Variants in CSMD1 observed in about 807,000 individuals in gnomAD.
CSMD1 encodes CUB and sushi domain-containing protein 1.
A neutral mutation model predicts 417.5 loss-of-function variants in CSMD1; 213 were observed. That is an observed-to-expected ratio of 0.51 (90% CI 0.46 to 0.57). CSMD1 has a LOEUF of 0.57. Among genes scored for constraint, CSMD1 ranks in the 20% least tolerant of loss-of-function variants. The pLI, the probability that CSMD1 is intolerant of heterozygous loss-of-function variation, is 0.00. For synonymous variants in CSMD1, 2,862 were observed against 1,736.8 expected (o/e 1.65, Z -16.11); for missense variants, 6,923 against 4,529.7 (o/e 1.53, Z -15.17).
intron 5 of CSMD1, among the ~76,000 whole-genome samples, chr8:3,943,711 C>G (rs1175054513): frequency 6.6e-6 from 1 of 152,040 alleles, no homozygotes; most frequent in Admixed American, 6.6e-5. Context: ...CAATTCTGGA[C>G]ATTTCTGCCA....
intron 3 of CSMD1, among the ~76,000 whole-genome samples, chr8:4,081,347 C>T (rs114184094): frequency 1.3e-5 from 2 of 152,116 alleles, no homozygotes; most frequent in Non-Finnish European, 2.9e-5. Flanking sequence ...GGTTAAACAA[C>T]AGGGTATTGT....
chr8:3,205,872 TA>T (rs1797223384), intron 30 of CSMD1, among the ~76,000 whole-genome samples: 1 of 152,136 alleles, frequency 6.6e-6, no homozygotes, highest in Non-Finnish European at 1.5e-5. Flanking sequence ...ATTAAAATAA[TA>T]AGGGAAACAT....
At chr8:4,006,099 G>A (rs375869266) in intron 4 of CSMD1, among the ~76,000 whole-genome samples, 1 of 152,168 alleles carries the variant, frequency 6.6e-6, no homozygotes, top group South Asian at 2.1e-4. Context: ...GCAACAGAAA[G>A]CACCATGTCC....
intron 29 of CSMD1, 98 bp downstream of exon 29, chr8:3,219,157 G>A: frequency 2.1e-6 from 2 of 934,682 alleles, no homozygotes; most frequent in East Asian, 5.4e-5. Flanking sequence ...CAGCATTTAT[G>A]TATTAAACAG....
chr8:3,830,054 C>A (rs1563122928), intron 5 of CSMD1, among the ~76,000 whole-genome samples: 1 of 152,090 alleles, frequency 6.6e-6, no homozygotes, highest in Non-Finnish European at 1.5e-5. Context: ...ACTTTTTGGG[C>A]TGACTTTTGA....
At chr8:4,321,353 C>T (rs1374233884) in intron 3 of CSMD1, among the ~76,000 whole-genome samples, 2 of 152,184 alleles carry the variant, frequency 1.3e-5, no homozygotes, top group East Asian at 1.9e-4. Context: ...TCCTCTCCCG[C>T]GCTGGCAGTT....
intron 3 of CSMD1, among the ~76,000 whole-genome samples, chr8:4,187,067 T>C (rs1360846101): frequency 1.3e-5 from 2 of 152,180 alleles, no homozygotes; most frequent in Non-Finnish European, 2.9e-5. Flanking sequence ...TTTGCTCAAA[T>C]TGAAACAAAC....
chr8:3,627,685 T>G (rs956690491), intron 7 of CSMD1, among the ~76,000 whole-genome samples: 2 of 152,226 alleles, frequency 1.3e-5, no homozygotes, highest in Non-Finnish European at 2.9e-5. Flanking sequence ...TGTTTTATGG[T>G]AAGCACGTTT....
At chr8:4,536,592 C>A (rs144879274) in intron 2 of CSMD1, among the ~76,000 whole-genome samples, 5 of 152,100 alleles carry the variant, frequency 3.3e-5, no homozygotes, top group Admixed American at 2.6e-4. Flanking sequence ...GATATCCTGC[C>A]GTTTAGTGGC....
chr8:3,274,068 G>A (rs1375364865), intron 26 of CSMD1, among the ~76,000 whole-genome samples: 1 of 151,368 alleles, frequency 6.6e-6, no homozygotes, highest in African/African-American at 2.4e-5. Context: ...GGCATTTAGT[G>A]CTATAAATTT....
At chr8:4,314,236 C>T (rs6983013) in intron 3 of CSMD1, among the ~76,000 whole-genome samples, 40,205 of 151,646 alleles carry the variant, frequency 0.27, 6,074 homozygotes, top group African/African-American at 0.42. Context: ...AGTCACAACA[C>T]AATGCCACAT....
chr8:3,406,358 TC>T, intron 14 of CSMD1, 137 bp from the exon 15 acceptor site: 1 of 602,232 alleles, frequency 1.7e-6, no homozygotes, highest in Non-Finnish European at 2.6e-6. Context: ...GTTGTATCAT[TC>T]ATAGATAGAT....
chr8:3,285,214 C>A, intron 25 of CSMD1, among the ~76,000 whole-genome samples: 1 of 152,186 alleles, frequency 6.6e-6, no homozygotes, highest in East Asian at 1.9e-4. Flanking sequence ...CGAGTCTCAA[C>A]TGCTTTGTTT....
chr8:3,942,870 T>C (rs1810974636), intron 5 of CSMD1, among the ~76,000 whole-genome samples: 1 of 152,192 alleles, frequency 6.6e-6, no homozygotes, highest in Non-Finnish European at 1.5e-5. Flanking sequence ...GATGTGATAA[T>C]GTCATAAAAT....
chr8:4,927,089 T>TTATTATTATTATTATTATTAA (rs1806919950), intron 1 of CSMD1, among the ~76,000 whole-genome samples: 1 of 104,682 alleles, frequency 9.6e-6, no homozygotes, highest in Admixed American at 8.7e-5. Flanking sequence ...TTTCAATGCA[T>TTATTATTATTATTATTATTAA]TATTATTATT....
chr8:4,238,719 T>A (rs1039900935), intron 3 of CSMD1, among the ~76,000 whole-genome samples: 5 of 152,216 alleles, frequency 3.3e-5, no homozygotes, highest in African/African-American at 1.2e-4. Flanking sequence ...GGCAGGTCAA[T>A]ATTATCCTTC....
At position 4,024,596 on chromosome 8, in the gene CSMD1, C is replaced by T. The variant is rs143240299; in HGVS notation, c.610+7309G>A. On this transcript the variant is annotated intron_variant, in intron 4 of 69. Coordinates refer to ENST00000635120, the MANE Select transcript of CSMD1 (RefSeq NM_033225.6). ...TATTACAGAAATAATCATATTTTCC[C>T]TGCCCATTTCTTAAGGTTCTTTGAG... Among the ~76,000 whole-genome samples, 44 of 152,198 alleles carry T rather than the reference C, an allele frequency of 2.9e-4. No homozygotes were observed. In the East Asian group the frequency reaches 8.1e-3, roughly 28 times the overall value.
rs543675938 is a variant in CSMD1, at chr8:4,892,377, G to C, written c.85+101955C>G. ...GAAAAATGGTGTGAACAAGAGCAAG[G>C]GGGAGTTGAGAATCCTGAGCTTACA... On this transcript the variant is annotated intron_variant, in intron 1 of 69. Transcript: ENST00000635120. Among the ~76,000 whole-genome samples the C allele has an allele frequency of 7.4e-4, 112 of 152,098 alleles. 1 individual carries two copies. The highest frequency in any genetic ancestry group is 2.1e-3 in the South Asian group (10 of 4,806).
rs180711650 is a variant in CSMD1, at chr8:4,586,032, G to A, written c.302+51310C>T. 4.1e-3 allele frequency among the ~76,000 whole-genome samples: 625 copies of A among 152,032 alleles called. 3 individuals are homozygous for A. The highest frequency in any genetic ancestry group is 0.01 in the Middle Eastern group (3 of 294). ...ATCATTACCTTTTTCATTATTATGC[G>A]CATGTAATGGTTGTACGTATACATG... On this transcript the variant is annotated intron_variant, in intron 2 of 69. Coordinates refer to ENST00000635120, the MANE Select transcript of CSMD1 (RefSeq NM_033225.6).
Sources: allele counts gnomAD v4.1 joint callset (sites outside exome capture counted in the v4.1 genomes callset), GRCh38; gene constraint gnomAD v4.1.1; transcripts MANE v1.5; gene names NCBI Gene and HGNC (gene_info 2026-07-23, HGNC 2026-07-21).